Variants in PALLD observed in about 807,000 individuals in gnomAD.
The protein encoded by PALLD is palladin, cytoskeletal associated protein.
A neutral mutation model predicts 123.5 loss-of-function variants in PALLD; 61 were observed. The ratio of observed to expected loss-of-function variants is 0.49; its 90% confidence interval spans 0.40 to 0.61. The LOEUF is 0.61. Among genes scored for constraint, PALLD ranks in the 20% least tolerant of loss-of-function variants. The pLI, the probability that PALLD is intolerant of heterozygous loss-of-function variation, is 0.00. For synonymous variants in PALLD, 465 were observed against 496.4 expected (o/e 0.94, Z 0.84); for missense variants, 1,273 against 1,377.0 (o/e 0.92, Z 1.20).
At chr4:168,588,820 C>T (rs944166594) in intron 2 of PALLD, among the ~76,000 whole-genome samples, 6 of 152,190 alleles carry the variant, frequency 3.9e-5, no homozygotes, top group African/African-American at 1.4e-4. Context: ...AAAAAAATAG[C>T]CGTGTTCAAT....
At chr4:168,638,159 G>A (rs894989935) in intron 2 of PALLD, among the ~76,000 whole-genome samples, 7 of 152,016 alleles carry the variant, frequency 4.6e-5, no homozygotes, top group African/African-American at 1.2e-4. Flanking sequence ...TATGTGTCAA[G>A]CACATAACCA....
At chr4:168,691,315 T>C in intron 8 of PALLD, 23 bp downstream of exon 8, 3 of 1,602,938 alleles carry the variant, frequency 1.9e-6, no homozygotes, top group South Asian at 1.1e-5. Flanking sequence ...TTAGGGTTTT[T>C]TTTTTTGGTG....
chr4:168,548,345 GAA>G (rs5863941), intron 2 of PALLD, among the ~76,000 whole-genome samples: 52 of 141,508 alleles, frequency 3.7e-4, no homozygotes, highest in Admixed American at 1.1e-3. Context: ...TCTAACTCAG[GAA>G]AAAAAAAAAA....
intron 2 of PALLD, among the ~76,000 whole-genome samples, chr4:168,585,943 CTTCT>C (rs1345719819): frequency 6.6e-6 from 1 of 152,082 alleles, no homozygotes; most frequent in East Asian, 1.9e-4. Flanking sequence ...GCTAGATAAA[CTTCT>C]TTCCCTCAAA....
At chr4:168,552,762 G>T (rs1279461060) in intron 2 of PALLD, among the ~76,000 whole-genome samples, 1 of 152,036 alleles carries the variant, frequency 6.6e-6, no homozygotes, top group Non-Finnish European at 1.5e-5. Context: ...TGCAACCTCT[G>T]CCTCCCGGGC....
At chr4:168,837,617 T>C (rs1745384830) in intron 10 of PALLD, among the ~76,000 whole-genome samples, 1 of 152,238 alleles carries the variant, frequency 6.6e-6, no homozygotes, top group South Asian at 2.1e-4. Flanking sequence ...TTTTATGTCA[T>C]TTAATCCTCA....
intron 16 of PALLD, 81 bp from the exon 17 acceptor site, chr4:168,915,814 T>C (rs1231409343): frequency 1.4e-5 from 16 of 1,110,718 alleles, no homozygotes; most frequent in Admixed American, 3.4e-5. Context: ...ACCCCATGTA[T>C]TTTAAGAAAA....
intron 11 of PALLD, among the ~76,000 whole-genome samples, chr4:168,891,423 A>T (rs1027530790): frequency 2.6e-5 from 4 of 152,160 alleles, no homozygotes; most frequent in African/African-American, 9.7e-5. Flanking sequence ...GGCCTCCCAA[A>T]GTGCTGGAAT....
intron 2 of PALLD, among the ~76,000 whole-genome samples, chr4:168,566,546 C>T (rs1285661890): frequency 6.6e-6 from 1 of 152,106 alleles, no homozygotes; most frequent in East Asian, 1.9e-4. Context: ...GTTCCTCCTA[C>T]CCCAGCCTCT....
chr4:168,839,221 G>A (rs1393348229), intron 10 of PALLD, among the ~76,000 whole-genome samples: 1 of 152,086 alleles, frequency 6.6e-6, no homozygotes. Context: ...CCAAAGTGGT[G>A]GCATTACAGG....
chr4:168,628,784 C>A (rs1775543672), intron 2 of PALLD, among the ~76,000 whole-genome samples: 2 of 152,106 alleles, frequency 1.3e-5, no homozygotes, highest in African/African-American at 4.8e-5. Flanking sequence ...TTGTTTTCTG[C>A]CTAATGTGCC....
chr4:168,877,836 C>G (rs1241801523), intron 10 of PALLD: 2 of 1,320,932 alleles, frequency 1.5e-6, no homozygotes, highest in Non-Finnish European at 1.9e-6. Context: ...CCCTTCCCGC[C>G]GCCGCCCGCC....
chr4:168,675,325 G>A (rs978884903), intron 3 of PALLD, among the ~76,000 whole-genome samples: 3 of 152,198 alleles, frequency 2.0e-5, no homozygotes, highest in Admixed American at 1.3e-4. Flanking sequence ...GGTCCTGTTA[G>A]ACACAGGTTC....
chr4:168,604,899 G>A (rs1263462276), intron 2 of PALLD, among the ~76,000 whole-genome samples: 4 of 152,186 alleles, frequency 2.6e-5, no homozygotes, highest in East Asian at 1.9e-4. Flanking sequence ...TTGTTTCTGC[G>A]AGTTAAGATA....
chr4:168,769,543 C>G (rs767167611), intron 10 of PALLD, among the ~76,000 whole-genome samples: 6 of 152,196 alleles, frequency 3.9e-5, no homozygotes, highest in Non-Finnish European at 7.3e-5. Context: ...TTGAACTCCC[C>G]CTGCCTGCTA....
intron 5 of PALLD, 84 bp from the exon 6 acceptor site, chr4:168,685,401 T>C: frequency 1.2e-6 from 1 of 852,208 alleles, no homozygotes; most frequent in Non-Finnish European, 2.0e-6. Flanking sequence ...AAGTGGGTGA[T>C]CCCCATAATG....
chr4:168,539,403 C>A lies in PALLD; in HGVS notation c.908+26991C>A, dbSNP rs561950814. Among the ~76,000 whole-genome samples, 254 of 152,152 alleles carry A rather than the reference C, an allele frequency of 1.7e-3. 1 individual carries two copies. The highest frequency in any genetic ancestry group is 5.9e-3 in the African/African-American group (244 of 41,510). ...AAGAGTTCGAGACCAGCCTGGCTAA[C>A]ATGGAGAAACCCCATTTCTACTAAA... On this transcript the variant is annotated intron_variant, in intron 2 of 21. Coordinates refer to ENST00000505667, the MANE Select transcript of PALLD (RefSeq NM_001166108.2).
chr4:168,699,050 A>G (rs1783426168), intron 8 of PALLD, among the ~76,000 whole-genome samples: 1 of 152,138 alleles, frequency 6.6e-6, no homozygotes, highest in African/African-American at 2.4e-5. Flanking sequence ...ATGATATTAA[A>G]TACAATTGAC....
At chr4:168,702,544 C>A (rs990423267) in intron 8 of PALLD, among the ~76,000 whole-genome samples, 2 of 152,062 alleles carry the variant, frequency 1.3e-5, no homozygotes, top group Admixed American at 6.6e-5. Context: ...ACAAGTGAAA[C>A]TCCATCTCAA....
Sources: allele counts gnomAD v4.1 joint callset (sites outside exome capture counted in the v4.1 genomes callset), GRCh38; gene constraint gnomAD v4.1.1; transcripts MANE v1.5; gene names NCBI Gene and HGNC (gene_info 2026-07-23, HGNC 2026-07-21).